GPC5: variants seen among roughly 807,000 people sequenced by gnomAD.
GPC5 encodes the protein glypican 5.
In GPC5, 47 loss-of-function variants were observed where a neutral mutation model predicts 53.9. The observed-to-expected ratio is 0.87, with a 90% CI of 0.69 to 1.11. The LOEUF (loss-of-function observed/expected upper bound fraction) is 1.11, where lower values mean the gene tolerates loss of function less well. Ranked by LOEUF, GPC5 falls within the 50% of genes most tolerant of loss-of-function variation. The pLI, the probability that GPC5 is intolerant of heterozygous loss-of-function variation, is 0.00. For missense variants in GPC5, 748 were observed against 713.1 expected, an observed-to-expected ratio of 1.05 and a Z score of -0.56; for synonymous variants, 286 against 263.3, an observed-to-expected ratio of 1.09 and a Z score of -0.84.
intron 7 of GPC5, among the ~76,000 whole-genome samples, chr13:92,484,073 G>A (rs543772542): frequency 2.6e-5 from 4 of 152,232 alleles, no homozygotes; most frequent in East Asian, 1.9e-4. Context: ...AAGAGTTTAC[G>A]GCTACAGTGA....
At chr13:92,318,110 TG>T (rs2043192185) in intron 7 of GPC5, among the ~76,000 whole-genome samples, 1 of 152,196 alleles carries the variant, frequency 6.6e-6, no homozygotes. Context: ...TTTATTTTGT[TG>T]AAGTTTTATG....
rs142837505 is a variant in GPC5, at chr13:92,822,990, G to C, written c.1562-43292G>C. Among the ~76,000 whole-genome samples, 352 of 151,864 alleles carry C rather than the reference G, an allele frequency of 2.3e-3. 2 individuals carry two copies. The highest frequency in any genetic ancestry group is 7.8e-3 in the African/African-American group (324 of 41,438). ...AGAAAGTGTGAAAAAAAAAAATCACGAGTGCCACAGAAGATACTACCAGGT... is the reference window on the plus strand; with the variant it reads ...AGAAAGTGTGAAAAAAAAAAATCACCAGTGCCACAGAAGATACTACCAGGT... On this transcript the variant is annotated intron_variant, in intron 7 of 7. Coordinates refer to ENST00000377067, the MANE Select transcript of GPC5 (RefSeq NM_004466.6).
chr13:92,801,632 T>A (rs998319063), intron 7 of GPC5, among the ~76,000 whole-genome samples: 1 of 151,750 alleles, frequency 6.6e-6, no homozygotes, highest in African/African-American at 2.4e-5. Flanking sequence ...TCCTGTATGT[T>A]CTTGCCCCTG....
rs74607839 is a variant in GPC5 at position 91,885,191 on chromosome 13, C to A, written c.1281-22746C>A. 2.8e-3 allele frequency among the ~76,000 whole-genome samples: 423 copies of A among 152,162 alleles called. 3 individuals carry two copies. Among genetic ancestry groups the A allele is most frequent in the African/African-American group, 9.5e-3 (394 of 41,522 alleles). ...TTTGTGTACATTTTTATTGGAAGGA[C>A]AAATCAGTAATGGATATACCGTCTC... On this transcript the variant is annotated intron_variant, in intron 5 of 7. Coordinates refer to ENST00000377067, the MANE Select transcript of GPC5 (RefSeq NM_004466.6).
At chr13:92,760,603 A>G (rs1303755815) in intron 7 of GPC5, among the ~76,000 whole-genome samples, 1 of 149,694 alleles carries the variant, frequency 6.7e-6, no homozygotes, top group Admixed American at 6.6e-5. Flanking sequence ...TTTTTCAAAA[A>G]CCATCTGTTC....
At position 92,425,059 on chromosome 13, in the gene GPC5, G is replaced by A. The variant is rs546920868; in HGVS notation, c.1561+280070G>A. Among the ~76,000 whole-genome samples the A allele has an allele frequency of 3.9e-5, 6 of 151,998 alleles. No homozygotes were observed. In the East Asian group the frequency reaches 1.2e-3, roughly 29 times the overall value. ...CAACCAGCATTTTCTATTTTTGTTT[G>A]TTGTTATTTCATGTTTCTAGTTTCT... On this transcript the variant is annotated intron_variant, in intron 7 of 7. Coordinates refer to ENST00000377067, the MANE Select transcript of GPC5 (RefSeq NM_004466.6).
chr13:91,562,052 A>G (rs2031291093), intron 2 of GPC5, among the ~76,000 whole-genome samples: 1 of 151,978 alleles, frequency 6.6e-6, no homozygotes. Context: ...TAATATCTCT[A>G]TTCCTCCTCC....
chr13:92,457,550 G>T (rs1878318773), intron 7 of GPC5, among the ~76,000 whole-genome samples: 1 of 152,076 alleles, frequency 6.6e-6, no homozygotes, highest in African/African-American at 2.4e-5. Context: ...AGATGGTCAT[G>T]CTACCCCAGG....
At chr13:92,158,668 T>C (rs565429944) in intron 7 of GPC5, among the ~76,000 whole-genome samples, 1 of 152,246 alleles carries the variant, frequency 6.6e-6, no homozygotes, top group African/African-American at 2.4e-5. Context: ...GCTACTATCT[T>C]AGTTTAATTC....
chr13:92,265,327 A>G (rs868249864), intron 7 of GPC5, among the ~76,000 whole-genome samples: 1 of 152,078 alleles, frequency 6.6e-6, no homozygotes, highest in Non-Finnish European at 1.5e-5. Context: ...CTGCTTCAAT[A>G]TTTTGCTGAG....
intron 2 of GPC5, among the ~76,000 whole-genome samples, chr13:91,639,902 ATAAAG>A (rs1566573639): frequency 6.6e-6 from 1 of 152,212 alleles, no homozygotes; most frequent in African/African-American, 2.4e-5. Context: ...GAGATTAAAT[ATAAAG>A]TAAAATACAA....
Position 91,569,627 on chromosome 13 carries a change from G to A in GPC5, c.325+120705G>A, listed in dbSNP as rs573077709. On this transcript the variant is annotated intron_variant, in intron 2 of 7. Transcript: ENST00000377067. ...ACAAAATAATTGCTATAATTTGAAT[G>A]ATGGCATCCTTTCCAAAATTCGTAT... is the stretch of plus-strand genomic sequence containing the variant. Among the ~76,000 whole-genome samples, 15 of 152,246 alleles carry A rather than the reference G, an allele frequency of 9.9e-5. 1 individual carries two copies. The South Asian group carries it at 2.9e-3, about 29-fold the overall frequency.
At chr13:92,711,092 A>T (rs1888123311) in intron 7 of GPC5, among the ~76,000 whole-genome samples, 1 of 152,200 alleles carries the variant, frequency 6.6e-6, no homozygotes, top group African/African-American at 2.4e-5. Context: ...ATTGAATGTT[A>T]AATGCATTTG....
chr13:92,832,514 A>G (rs1566437026), intron 7 of GPC5, among the ~76,000 whole-genome samples: 2 of 152,198 alleles, frequency 1.3e-5, no homozygotes, highest in Admixed American at 6.5e-5. Context: ...TACTGCTATT[A>G]CAAGGTTTTT....
intron 7 of GPC5, among the ~76,000 whole-genome samples, chr13:92,189,448 C>T (rs2042207520): frequency 1.3e-5 from 2 of 152,166 alleles, no homozygotes; most frequent in Middle Eastern, 3.4e-3. Context: ...GTTCAGAGTC[C>T]AGAAGTTCAG....
chr13:92,274,454 G>A (rs1440083794), intron 7 of GPC5, among the ~76,000 whole-genome samples: 54 of 151,974 alleles, frequency 3.6e-4, no homozygotes, highest in East Asian at 1.9e-4. Context: ...TGAGTAACTC[G>A]TACTTATTGT....
At chr13:92,234,346 C>T (rs1011313918) in intron 7 of GPC5, among the ~76,000 whole-genome samples, 2 of 152,078 alleles carry the variant, frequency 1.3e-5, no homozygotes, top group African/African-American at 4.8e-5. Flanking sequence ...TTAATGATTG[C>T]CATTCTAACT....
At chr13:92,308,286 G>A (rs2043124104) in intron 7 of GPC5, among the ~76,000 whole-genome samples, 1 of 152,126 alleles carries the variant, frequency 6.6e-6, no homozygotes, top group South Asian at 2.1e-4. Context: ...TGCTTGCACT[G>A]TGCCGCCTGG....
intron 7 of GPC5, among the ~76,000 whole-genome samples, chr13:92,720,195 A>G (rs1888466593): frequency 1.3e-5 from 2 of 152,186 alleles, no homozygotes; most frequent in South Asian, 4.1e-4. Flanking sequence ...AATACTTAAC[A>G]TAAGTCAAGG....
Sources: allele counts gnomAD v4.1 joint callset (sites outside exome capture counted in the v4.1 genomes callset), GRCh38; gene constraint gnomAD v4.1.1; transcripts MANE v1.5; gene names NCBI Gene and HGNC (gene_info 2026-07-23, HGNC 2026-07-21).